The following FRMD4A variants were observed in gnomAD, a reference collection of about 807,000 sequenced individuals.
The protein encoded by FRMD4A is FERM domain-containing protein 4A.
FRMD4A carries 29 observed loss-of-function variants against 129.1 expected under a neutral mutation model. The observed-to-expected ratio is 0.22, with a 90% confidence interval of 0.17 to 0.31. The LOEUF is 0.31. Ranked by LOEUF, FRMD4A falls within the 10% of genes least tolerant of loss-of-function variation. The pLI is 1.00. For missense variants in FRMD4A, 1,272 were observed against 1,375.8 expected, an observed-to-expected ratio of 0.92 and a Z score of 1.19; for synonymous variants, 634 against 571.6, an observed-to-expected ratio of 1.11 and a Z score of -1.56.
chr10:13,680,556 CT>C (rs1468957724), intron 15 of FRMD4A, among the ~76,000 whole-genome samples: 3 of 150,942 alleles, frequency 2.0e-5, no homozygotes, highest in South Asian at 4.2e-4. Flanking sequence ...GAAACCCTGT[CT>C]TCTACTAAAA....
intron 2 of FRMD4A, among the ~76,000 whole-genome samples, chr10:14,249,285 G>C (rs1458082240): frequency 6.6e-6 from 1 of 151,338 alleles, no homozygotes; most frequent in Non-Finnish European, 1.5e-5. Context: ...CCGGGAGGCA[G>C]AGTTTGCAGT....
intron 4 of FRMD4A, among the ~76,000 whole-genome samples, chr10:13,798,393 CAG>C: frequency 6.6e-6 from 1 of 151,748 alleles, no homozygotes; most frequent in Non-Finnish European, 1.5e-5. Context: ...GCCTAGGCGA[CAG>C]AGACTCTGTC....
chr10:13,834,235 G>A (rs1258751965), intron 3 of FRMD4A, among the ~76,000 whole-genome samples: 1 of 152,094 alleles, frequency 6.6e-6, no homozygotes, highest in East Asian at 1.9e-4. Context: ...TTGCACTCCA[G>A]CCTGGGCAAC....
At chr10:13,688,840 C>A (rs1482518234) in intron 15 of FRMD4A, among the ~76,000 whole-genome samples, 1 of 152,268 alleles carries the variant, frequency 6.6e-6, no homozygotes, top group South Asian at 2.1e-4. Flanking sequence ...GCCTCAGCCT[C>A]CCAAGTATCT....
chr10:13,759,511 C>T (rs1202289846), intron 8 of FRMD4A, among the ~76,000 whole-genome samples: 3 of 151,970 alleles, frequency 2.0e-5, no homozygotes, highest in African/African-American at 4.8e-5. Flanking sequence ...TCAGAGCTGG[C>T]GAAAGAAATG....
intron 2 of FRMD4A, among the ~76,000 whole-genome samples, chr10:13,997,438 T>C (rs139711755): frequency 6.6e-6 from 1 of 152,280 alleles, no homozygotes; most frequent in East Asian, 1.9e-4. Context: ...CTTCCTCTGC[T>C]GTGTTCTTTT....
chr10:14,312,011 A>G (rs918926726), intron 2 of FRMD4A, among the ~76,000 whole-genome samples: 4 of 152,210 alleles, frequency 2.6e-5, no homozygotes, highest in Non-Finnish European at 5.9e-5. Context: ...TGAAATTTCA[A>G]TCTTAGATAT....
chr10:13,706,779 C>T (rs1272326096), intron 13 of FRMD4A, among the ~76,000 whole-genome samples: 3 of 150,560 alleles, frequency 2.0e-5, no homozygotes, highest in Admixed American at 6.6e-5. Context: ...CACACACACA[C>T]GAGCCAGGGA....
intron 2 of FRMD4A, among the ~76,000 whole-genome samples, chr10:14,015,361 CTCCTTCCTTCCT>C (rs1190027778): frequency 1.1e-4 from 16 of 143,902 alleles, no homozygotes; most frequent in African/African-American, 4.1e-4. Flanking sequence ...CTTCCCTTTT[CTCCTTCCTTCCT>C]TCCTTTTTCT....
At chr10:13,654,546 A>G (rs754257759) in intron 22 of FRMD4A, 34 bp from the exon 23 acceptor site, 2 of 1,391,072 alleles carry the variant, frequency 1.4e-6, no homozygotes, top group Admixed American at 3.4e-5. Context: ...GGCAGAGAGC[A>G]GACAGGGATC....
chr10:14,259,538 C>T (rs1213852318), intron 2 of FRMD4A, among the ~76,000 whole-genome samples: 6 of 152,128 alleles, frequency 3.9e-5, no homozygotes, highest in African/African-American at 1.4e-4. Flanking sequence ...AAGCCATCTG[C>T]CAATATCATT....
At chr10:14,002,267 A>G (rs1326859464) in intron 2 of FRMD4A, among the ~76,000 whole-genome samples, 1 of 152,224 alleles carries the variant, frequency 6.6e-6, no homozygotes, top group Non-Finnish European at 1.5e-5. Context: ...TCAGATTTGT[A>G]CTACTTTGTG....
chr10:13,853,824 T>C (rs1350041174), intron 3 of FRMD4A, among the ~76,000 whole-genome samples: 6 of 104,992 alleles, frequency 5.7e-5, no homozygotes, highest in African/African-American at 8.2e-5. Flanking sequence ...AGAGCAAGAC[T>C]CTCTCAAAAA....
At chr10:14,254,412 T>A (rs529076733) in intron 2 of FRMD4A, among the ~76,000 whole-genome samples, 1 of 152,250 alleles carries the variant, frequency 6.6e-6, no homozygotes, top group Non-Finnish European at 1.5e-5. Flanking sequence ...AGGACATCCT[T>A]CAGAAGGGAG....
intron 2 of FRMD4A, among the ~76,000 whole-genome samples, chr10:14,329,048 C>A (rs1404747110): frequency 6.6e-6 from 1 of 152,208 alleles, no homozygotes; most frequent in Non-Finnish European, 1.5e-5. Context: ...TTTAACATGA[C>A]CTGGCTTGCC....
At chr10:14,013,422 C>T (rs1161715589) in intron 2 of FRMD4A, among the ~76,000 whole-genome samples, 2 of 152,114 alleles carry the variant, frequency 1.3e-5, no homozygotes, top group Non-Finnish European at 2.9e-5. Context: ...CCCTCAATGA[C>T]CTCACCTCCA....
chr10:13,739,243 T>G (rs1232900049), intron 11 of FRMD4A, among the ~76,000 whole-genome samples: 1 of 152,200 alleles, frequency 6.6e-6, no homozygotes, highest in Admixed American at 6.5e-5. Context: ...TTCTTAAAAC[T>G]TTAAAGGTGG....
At chr10:13,700,827 T>TTTC (rs2086750193) in intron 14 of FRMD4A, among the ~76,000 whole-genome samples, 1 of 91,882 alleles carries the variant, frequency 1.1e-5, no homozygotes, top group South Asian at 4.0e-4. Context: ...TTGCTTTTTT[T>TTTC]TTTTTTTTTT....
intron 2 of FRMD4A, among the ~76,000 whole-genome samples, chr10:13,936,123 T>C (rs2095247388): frequency 6.6e-6 from 1 of 152,216 alleles, no homozygotes; most frequent in African/African-American, 2.4e-5. Context: ...GTGGATATAA[T>C]TCTTACCCTT....
Sources: allele counts gnomAD v4.1 joint callset (sites outside exome capture counted in the v4.1 genomes callset), GRCh38; gene constraint gnomAD v4.1.1; transcripts MANE v1.5; gene names NCBI Gene and HGNC (gene_info 2026-07-23, HGNC 2026-07-21).